CNST: variants seen among roughly 807,000 people sequenced by gnomAD.
CNST encodes consortin.
A neutral mutation model predicts 72.4 loss-of-function variants in CNST; 39 were observed. That is an observed-to-expected ratio of 0.54 (90% CI 0.42 to 0.70). The LOEUF is 0.70. CNST is among the 30% of genes least tolerant of loss of function. CNST has a pLI of 0.00. For synonymous variants in CNST, 332 were observed against 320.1 expected, an observed-to-expected ratio of 1.04 and a Z score of -0.40; for missense variants, 871 against 868.5, an observed-to-expected ratio of 1.00 and a Z score of -0.04.
intron 1 of CNST, among the ~76,000 whole-genome samples, chr1:246,584,056 G>A (rs746472287): frequency 3.3e-5 from 5 of 151,780 alleles, no homozygotes; most frequent in South Asian, 2.1e-4. Flanking sequence ...TCCTCCTGCC[G>A]CAGCTTCCTG....
chr1:246,662,610 C>T (rs979639289), intron 10 of CNST, among the ~76,000 whole-genome samples: 3 of 152,146 alleles, frequency 2.0e-5, no homozygotes, highest in Non-Finnish European at 2.9e-5. Context: ...AGGCTGGTCT[C>T]GAACTCCTGA....
Position 246,632,810 on chromosome 1 carries a change from C to T in CNST, c.616+886C>T, listed in dbSNP as rs1415143755. ...GTTAATTGAGTGTTTACAAAAGACC[C>T]ATATAAGTTTTTGCCCTGTCATTGT... On this transcript the variant is annotated intron_variant, in intron 4 of 10. Coordinates refer to ENST00000366513, the MANE Select transcript of CNST (RefSeq NM_152609.3). Among the ~76,000 whole-genome samples the T allele has an allele frequency of 3.3e-5, 5 of 152,178 alleles. No individual in the cohort carries two copies. The East Asian group carries it at 9.6e-4, about 29-fold the overall frequency.
In CNST at chr1:246,605,524, A is replaced by C. The variant is rs562741801; in HGVS notation, c.379+13583A>C. ...TGGGTGCAGACGGGCTGAGGCCTAA[A>C]ATGGCGTCAGCGCCACATGAGGACG... is the stretch of plus-strand genomic sequence containing the variant. On this transcript the variant is annotated intron_variant, in intron 2 of 10. Coordinates refer to ENST00000366513, the MANE Select transcript of CNST (RefSeq NM_152609.3). Among the ~76,000 whole-genome samples the C allele has an allele frequency of 3.3e-5, 5 of 152,284 alleles. No individual in the cohort carries two copies. In the South Asian group the frequency reaches 1.0e-3, roughly 32 times the overall value.
chr1:246,606,164 G>C (rs1242733015), intron 2 of CNST: 1 of 152,276 alleles, frequency 6.6e-6, no homozygotes. Context: ...AGCATCGTCT[G>C]GATTGTCTGG....
chr1:246,631,490 T>C (rs1664771149), intron 3 of CNST, among the ~76,000 whole-genome samples: 1 of 152,264 alleles, frequency 6.6e-6, no homozygotes, highest in African/African-American at 2.4e-5. Flanking sequence ...TTTATTTATG[T>C]TTGCTTCACA....
intron 1 of CNST, among the ~76,000 whole-genome samples, chr1:246,578,441 G>A (rs1244886240): frequency 1.3e-5 from 2 of 151,978 alleles, no homozygotes; most frequent in Non-Finnish European, 2.9e-5. Flanking sequence ...GGGAGGCTGA[G>A]GTGGGCGGAT....
intron 2 of CNST, among the ~76,000 whole-genome samples, chr1:246,595,108 G>A (rs1035876952): frequency 6.6e-6 from 1 of 152,160 alleles, no homozygotes; most frequent in Admixed American, 6.5e-5. Flanking sequence ...GGCCATGGAC[G>A]AGGCGGGACT....
intron 6 of CNST, among the ~76,000 whole-genome samples, chr1:246,640,303 A>T (rs1665602175): frequency 6.6e-6 from 1 of 152,202 alleles, no homozygotes; most frequent in African/African-American, 2.4e-5. Context: ...GCTAATGTTT[A>T]TGTGTTGTAG....
Position 246,647,920 on chromosome 1 carries a change from C to T in CNST, c.1719C>T (p.Ser573=), listed in dbSNP as rs775351110. ...ATGAAGATAACCAAGACGACGACTC[C>T]GATCTCCTTCAAGATCTCTCTCCTG... ...LSYEDNQDDD[S]DLLQDLSPEE... The change falls in exon 9 of 11, where the codon TCC becomes TCT. Residue 573 remains serine (S), a synonymous_variant. Coordinates refer to ENST00000366513, the MANE Select transcript of CNST (RefSeq NM_152609.3). 17 of 1,613,598 alleles carry T rather than the reference C, an allele frequency of 1.1e-5. No individual in the cohort carries two copies. Among genetic ancestry groups the T allele is most frequent in the East Asian group, 6.7e-5 (3 of 44,896 alleles).
At chr1:246,651,411 C>T (rs1054376285) in intron 9 of CNST, among the ~76,000 whole-genome samples, 8 of 152,128 alleles carry the variant, frequency 5.3e-5, no homozygotes, top group African/African-American at 1.7e-4. Flanking sequence ...TCTTTCTTTG[C>T]CAGCTTTCCC....
chr1:246,591,626 G>C lies in CNST; in HGVS notation c.64G>C (p.Gly22Arg), dbSNP rs770547864. Residue 22 changes from glycine to arginine, a missense_variant, in exon 2 of 11, where the codon GGT (glycine) becomes CGT (arginine). Physicochemically the swap from Gly to Arg is moderately radical, Grantham distance 125. Transcript: ENST00000366513. ...AGAACCACAAGATGGATGTCATCCT[G>C]GTGACAGCGTGGAAAGGAGTGTGAC... ...QIEPQDGCHP[G>R]DSVERSVTCL... is the part of the protein sequence containing the mutation. 6.2e-7 allele frequency: 1 copy of C among 1,614,166 alleles called. No homozygotes were observed. The highest frequency in any genetic ancestry group is 8.5e-7 in the Non-Finnish European group (1 of 1,180,006).
intron 2 of CNST, among the ~76,000 whole-genome samples, chr1:246,608,919 C>T (rs549997976): frequency 9.8e-5 from 15 of 152,332 alleles, no homozygotes; most frequent in African/African-American, 3.1e-4. Flanking sequence ...CGTTGTACGT[C>T]ACCTTATTTA....
chr1:246,584,831 AG>A (rs1248104713), intron 1 of CNST, among the ~76,000 whole-genome samples: 1 of 152,082 alleles, frequency 6.6e-6, no homozygotes, highest in Non-Finnish European at 1.5e-5. Flanking sequence ...ATCTCCTATG[AG>A]TCTGTTTCTG....
At chr1:246,582,040 A>C (rs1439166211) in intron 1 of CNST, among the ~76,000 whole-genome samples, 1 of 152,234 alleles carries the variant, frequency 6.6e-6, no homozygotes, top group East Asian at 1.9e-4. Context: ...GTAAACTTTC[A>C]TATAAGTCAA....
chr1:246,621,422 C>T lies in CNST; in HGVS notation c.380-7C>T. 6.2e-7 allele frequency: 1 copy of T among 1,606,200 alleles called. No homozygotes were observed. Among genetic ancestry groups the T allele is most frequent in the Non-Finnish European group, 8.5e-7 (1 of 1,174,204 alleles). On this transcript the variant is annotated splice_region_variant and splice_polypyrimidine_tract_variant and intron_variant, in intron 2 of 10. Coordinates refer to ENST00000366513, the MANE Select transcript of CNST (RefSeq NM_152609.3). Reference sequence around the variant, plus strand: ...CCTAACATAGGCATTTTCTTTACTTCTTAAAGGACTTTTTTCAGGAGATAT... The same window carrying T: ...CCTAACATAGGCATTTTCTTTACTTTTTAAAGGACTTTTTTCAGGAGATAT...
chr1:246,574,593 T>A (rs1660276881), intron 1 of CNST, among the ~76,000 whole-genome samples: 1 of 151,910 alleles, frequency 6.6e-6, no homozygotes, highest in Admixed American at 6.6e-5. Context: ...TTTTTTTTTT[T>A]AACTTTTTGC....
chr1:246,569,268 A>G (rs527260892), intron 1 of CNST, among the ~76,000 whole-genome samples: 3 of 152,172 alleles, frequency 2.0e-5, no homozygotes, highest in South Asian at 2.1e-4. Context: ...CATGAAATCA[A>G]TTTTTAAAAT....
chr1:246,627,723 G>T (rs1279702000), intron 3 of CNST, among the ~76,000 whole-genome samples: 3 of 152,034 alleles, frequency 2.0e-5, no homozygotes, highest in Non-Finnish European at 4.4e-5. Flanking sequence ...ATGAAAATAA[G>T]AACTAAAAGA....
chr1:246,574,855 C>T (rs1351834539), intron 1 of CNST, among the ~76,000 whole-genome samples: 1 of 151,892 alleles, frequency 6.6e-6, no homozygotes, highest in African/African-American at 2.4e-5. Flanking sequence ...TATAAGGATT[C>T]CTATGTAAAA....
Sources: gnomAD v4.1 joint callset for allele counts (sites outside exome capture counted in the v4.1 genomes callset) on GRCh38, gnomAD v4.1.1 for gene constraint, MANE v1.5 for transcripts, NCBI Gene and HGNC (gene_info 2026-07-23, HGNC 2026-07-21) for gene names.